The following SUPV3L1 variants were observed in gnomAD, a reference collection of about 807,000 sequenced individuals.
The protein encoded by SUPV3L1 is Suv3 like RNA helicase.
SUPV3L1 carries 35 observed loss-of-function variants against 70.0 expected under a neutral mutation model. The observed-to-expected ratio is 0.50, with a 90% CI of 0.38 to 0.66. The LOEUF (loss-of-function observed/expected upper bound fraction) is 0.66, where lower values mean the gene tolerates loss of function less well. SUPV3L1 is among the 30% of genes least tolerant of loss of function. The probability of loss-of-function intolerance (pLI) is 0.00; values close to 1 mark genes in which losing one functional copy is unlikely to be tolerated. For missense variants in SUPV3L1, 777 were observed against 961.5 expected (o/e 0.81, Z 2.54); for synonymous variants, 364 against 341.9 (o/e 1.06, Z -0.71).
intron 8 of SUPV3L1, among the ~76,000 whole-genome samples, 156 bp from the exon 9 acceptor site, chr10:69,198,216 A>G (rs1277983468): frequency 6.6e-6 from 1 of 152,224 alleles, no homozygotes; most frequent in Middle Eastern, 3.2e-3. Flanking sequence ...CACTTATAAT[A>G]TCAAAATAAA....
chr10:69,208,311 CAT>C (rs1275503111), intron 14 of SUPV3L1, among the ~76,000 whole-genome samples: 9 of 152,336 alleles, frequency 5.9e-5, no homozygotes, highest in African/African-American at 2.2e-4. Flanking sequence ...TTCACTTGTA[CAT>C]TATCATTTGA....
At chr10:69,208,560 T>C (rs1842896781) in intron 14 of SUPV3L1, 40 bp from the exon 15 acceptor site, 1 of 1,577,716 alleles carries the variant, frequency 6.3e-7, no homozygotes, top group East Asian at 2.2e-5. Flanking sequence ...GTGACTGCGA[T>C]AAGAGCTGTT....
At chr10:69,198,984 C>T in intron 9 of SUPV3L1, 120 bp from the exon 10 acceptor site, 4 of 714,740 alleles carry the variant, frequency 5.6e-6, no homozygotes, top group Non-Finnish European at 6.8e-6. Flanking sequence ...AAGTTTGAAA[C>T]AGTAAAGGTT....
In SUPV3L1 at chr10:69,189,400, C is replaced by T. The variant is rs1842325853; in HGVS notation, c.706C>T (p.Leu236=). 6.2e-7 allele frequency: 1 copy of T among 1,612,504 alleles called. No individual in the cohort carries two copies. Residue 236 remains leucine (L), a synonymous_variant, in exon 5 of 15, where the codon CTG becomes TTG. Transcript: ENST00000359655. ...AGTGTATTGTGGCCCTCTAAAATTA[C>T]TGGCACATGAGATCTTCGAAAAGAG... ...SGVYCGPLKL[L]AHEIFEKSNA...
At chr10:69,189,580 C>T in intron 5 of SUPV3L1, 145 bp downstream of exon 5, 6 of 751,006 alleles carry the variant, frequency 8.0e-6, no homozygotes, top group Non-Finnish European at 1.9e-6. Flanking sequence ...GTAAGATGTA[C>T]CATTATTTTA....
chr10:69,180,643 C>T (rs1264500051), intron 1 of SUPV3L1, 81 bp downstream of exon 1: 1 of 1,532,642 alleles, frequency 6.5e-7, no homozygotes, highest in Non-Finnish European at 8.8e-7. Flanking sequence ...ACATCCCCTT[C>T]CCCTGGGGAT....
In SUPV3L1 at chr10:69,199,764, G is replaced by A. The variant is rs569906012; in HGVS notation, c.1299-516G>A. ...ACTTTACTTTCAGTTTCTCAGTCAG[G>A]TGTCCGAGTGCCTATTATGCACATG... On this transcript the variant is annotated intron_variant, in intron 10 of 14. Coordinates refer to ENST00000359655, the MANE Select transcript of SUPV3L1 (RefSeq NM_003171.5). 2.0e-5 allele frequency among the ~76,000 whole-genome samples: 3 copies of A among 152,206 alleles called. No individual in the cohort carries two copies. The East Asian group carries it at 5.8e-4, about 29-fold the overall frequency.
chr10:69,182,585 A>G (rs1842095765), intron 1 of SUPV3L1: 1 of 985,418 alleles, frequency 1.0e-6, no homozygotes, highest in Non-Finnish European at 1.2e-6. Context: ...GAATAAAGAC[A>G]TGGGTTTGTC....
At chr10:69,200,846 C>T (rs1223615084) in intron 11 of SUPV3L1, among the ~76,000 whole-genome samples, 1 of 152,108 alleles carries the variant, frequency 6.6e-6, no homozygotes, top group Admixed American at 6.6e-5. Context: ...GAAAAATGAC[C>T]AGAAGCCTGA....
Position 69,198,434 on chromosome 10 carries a change from T to A in SUPV3L1, c.1086T>A (p.Asp362Glu). 2 of 1,614,040 alleles carry A rather than the reference T, an allele frequency of 1.2e-6. No homozygotes were observed. The highest frequency in any genetic ancestry group is 1.7e-6 in the Non-Finnish European group (2 of 1,179,982). The part of the protein sequence containing the change: ...SVLDHALESL[D>E]NLRPGDCIVC... Reference sequence around the variant, plus strand: ...TGGACCATGCACTAGAATCTTTAGATAACCTTCGGCCTGGGGACTGCATTG... The same window carrying A: ...TGGACCATGCACTAGAATCTTTAGAAAACCTTCGGCCTGGGGACTGCATTG... The change falls in exon 9 of 15, where the codon GAT becomes GAA. Residue 362 changes from aspartate (D) to glutamate (E), a missense_variant. Asp to Glu is a conservative substitution (Grantham distance 45). Around this residue, in one of 2 missense-constraint regions of SUPV3L1, gnomAD observed 619 missense variants for 823.3 expected, o/e 0.75. Coordinates refer to ENST00000359655, the MANE Select transcript of SUPV3L1 (RefSeq NM_003171.5).
intron 1 of SUPV3L1, chr10:69,182,598 C>T (rs764521372): frequency 6.1e-6 from 6 of 985,304 alleles, no homozygotes; most frequent in Non-Finnish European, 7.2e-6. Flanking sequence ...GGTTTGTCAG[C>T]ACTAGATTTT....
intron 9 of SUPV3L1, 106 bp downstream of exon 9, chr10:69,198,658 G>T: frequency 9.7e-7 from 1 of 1,033,738 alleles, no homozygotes; most frequent in Non-Finnish European, 1.4e-6. Context: ...TAAGCTGCTT[G>T]ATGTATTGGT....
chr10:69,207,812 G>A lies in SUPV3L1; in HGVS notation c.1796G>A (p.Arg599Lys). 6.2e-7 allele frequency: 1 copy of A among 1,613,904 alleles called. No individual in the cohort carries two copies. The highest frequency in any genetic ancestry group is 8.5e-7 in the Non-Finnish European group (1 of 1,179,910). The change falls in exon 14 of 15, where the codon AGG (arginine) becomes AAG (lysine). Residue 599 changes from arginine to lysine, a missense_variant. Around this residue, in one of 2 missense-constraint regions of SUPV3L1, gnomAD observed 619 missense variants for 823.3 expected, o/e 0.75. Transcript: ENST00000359655. ...TCTCAGTTTGCCAGGCAGTATAGCA[G>A]GAATGAGCCCCTGACCTTTGCATGG... ...SLLQFARQYSRNEPLTFAWLR... is the reference protein window; with the variant it reads ...SLLQFARQYSKNEPLTFAWLR...
chr10:69,184,391 G>C (rs1047614826), intron 1 of SUPV3L1, among the ~76,000 whole-genome samples: 1 of 151,960 alleles, frequency 6.6e-6, no homozygotes, highest in Non-Finnish European at 1.5e-5. Flanking sequence ...AGTCGGGCAT[G>C]GTGCATGGTG....
chr10:69,183,942 GT>G lies in SUPV3L1; in HGVS notation c.272-2041del, dbSNP rs568014940. Among the ~76,000 whole-genome samples the G allele has an allele frequency of 9.5e-5, 14 of 147,420 alleles. No homozygotes were observed. The South Asian group carries it at 2.8e-3, about 29-fold the overall frequency. ...CCACATTCTGTCTGTTGATTTGCCT[GT>G]TTTGTGTATTTCATATTTATAGTGT... On this transcript the variant is annotated intron_variant, in intron 1 of 14. Transcript: ENST00000359655.
intron 5 of SUPV3L1, among the ~76,000 whole-genome samples, chr10:69,190,094 C>T (rs796577770): frequency 2.3e-4 from 35 of 152,342 alleles, no homozygotes; most frequent in African/African-American, 7.5e-4. Context: ...GAACCTATTA[C>T]ACCACCTCAT....
At chr10:69,182,197 G>A (rs1485242898) in intron 1 of SUPV3L1, among the ~76,000 whole-genome samples, 1 of 151,910 alleles carries the variant, frequency 6.6e-6, no homozygotes, top group Non-Finnish European at 1.5e-5. Flanking sequence ...GTCTTGCTAT[G>A]TTGCCCAGGC....
Position 69,197,050 on chromosome 10 carries a change from G to A in SUPV3L1, c.990G>A (p.Met330Ile). The A allele has an allele frequency of 6.2e-7, 1 of 1,614,120 alleles. No individual in the cohort carries two copies. The highest frequency in any genetic ancestry group is 1.1e-5 in the South Asian group (1 of 91,076). ...CGEPAAIDLVMELMYTTGEEV... is the reference protein window; with the variant it reads ...CGEPAAIDLVIELMYTTGEEV... Reference sequence around the variant, plus strand: ...AACCTGCTGCTATTGACCTGGTGATGGAGCTTATGTACACAACGGGGGAGG... The same window carrying A: ...AACCTGCTGCTATTGACCTGGTGATAGAGCTTATGTACACAACGGGGGAGG... Residue 330 changes from methionine (M) to isoleucine (I), a missense_variant, in exon 8 of 15, where the codon ATG (methionine) becomes ATA (isoleucine). Around this residue, in one of 2 missense-constraint regions of SUPV3L1, gnomAD observed 619 missense variants for 823.3 expected, o/e 0.75. Transcript: ENST00000359655.
In SUPV3L1 at chr10:69,186,345, G is replaced by GAA. The variant is rs71035072; in HGVS notation, c.350-90_350-89dup. On this transcript the variant is annotated intron_variant, in intron 2 of 14. Transcript: ENST00000359655. ...ACTGCCAAAAAAAAAAAAAAAAAAA[G>GAA]AAAAAAAAAGACTCTTTGATGAGTT... 4.0e-4 allele frequency: 220 copies of GAA among 550,876 alleles called. 1 individual carries two copies. Among genetic ancestry groups the GAA allele is most frequent in the Middle Eastern group, 1.4e-3 (3 of 2,072 alleles). 34.1% of individuals were successfully genotyped at this position (550,876 alleles called of 1,614,324 possible). A position where few individuals can be genotyped will look rare whatever the true frequency, so the allele number is the denominator to read the frequency against.
Sources: gnomAD v4.1 joint callset for allele counts (sites outside exome capture counted in the v4.1 genomes callset) on GRCh38, gnomAD v4.1.1 for gene constraint, gnomAD v4.1.1 regional missense constraint, MANE v1.5 for transcripts, NCBI Gene and HGNC (gene_info 2026-07-23, HGNC 2026-07-21) for gene names.